The following MAST2 variants were observed in gnomAD, a reference collection of about 807,000 sequenced individuals.
MAST2 encodes the protein microtubule associated serine/threonine kinase 2.
In MAST2, 70 loss-of-function variants were observed where a neutral mutation model predicts 147.4. That is an observed-to-expected ratio of 0.47 (90% confidence interval 0.39 to 0.58). The LOEUF (loss-of-function observed/expected upper bound fraction) is 0.58, where lower values mean the gene tolerates loss of function less well. Among genes scored for constraint, MAST2 ranks in the 20% least tolerant of loss-of-function variants. The pLI is 0.00. For synonymous variants in MAST2, 869 were observed against 896.8 expected (o/e 0.97, Z 0.55); for missense variants, 2,080 against 2,302.3 (o/e 0.90, Z 1.98).
chr1:45,997,935 T>A (rs1408940102), intron 6 of MAST2, 136 bp downstream of exon 6: 3 of 761,258 alleles, frequency 3.9e-6, no homozygotes, highest in Non-Finnish European at 6.7e-6. Context: ...ATCAAAACTC[T>A]GTCTTTGCTT....
intron 15 of MAST2, among the ~76,000 whole-genome samples, chr1:46,024,830 C>G (rs556593312): frequency 3.3e-5 from 5 of 152,338 alleles, no homozygotes; most frequent in South Asian, 4.1e-4. Context: ...TTTCCACCCC[C>G]CTCCATACCC....
rs199941586 is a variant in MAST2, at chr1:45,900,764, C to T, written c.500+18369C>T. ...ACAGGCGTGAGCCACCGCGCCCGGC[C>T]GATGTTGGATATTTTTTTCATGAGT... is the stretch of plus-strand genomic sequence containing the variant. On this transcript the variant is annotated intron_variant, in intron 4 of 28. Transcript: ENST00000361297. 2.8e-4 allele frequency among the ~76,000 whole-genome samples: 2 copies of T among 7,190 alleles called. 1 individual carries two copies. Among genetic ancestry groups the T allele is most frequent in the Non-Finnish European group, 4.3e-4 (2 of 4,636 alleles). 4.7% of individuals were successfully genotyped at this position (7,190 alleles called of 152,430 possible).
intron 4 of MAST2, among the ~76,000 whole-genome samples, chr1:45,939,083 G>A (rs910819260): frequency 4.7e-5 from 7 of 150,452 alleles, no homozygotes; most frequent in Admixed American, 1.3e-4. Flanking sequence ...CATGCTTTTG[G>A]TATCTAAGAA....
intron 4 of MAST2, among the ~76,000 whole-genome samples, chr1:45,934,652 G>T (rs1215664105): frequency 2.6e-5 from 4 of 152,324 alleles, no homozygotes; most frequent in East Asian, 1.9e-4. Flanking sequence ...CTCAAACTCT[G>T]CCTCAAGTGA....
chr1:45,914,112 G>A (rs975380312), intron 4 of MAST2, among the ~76,000 whole-genome samples: 1 of 152,138 alleles, frequency 6.6e-6, no homozygotes, highest in Admixed American at 6.6e-5. Context: ...CTGAATACTT[G>A]GAGAACTGGG....
intron 7 of MAST2, among the ~76,000 whole-genome samples, chr1:46,005,372 A>AAC (rs1202542268): frequency 2.6e-5 from 4 of 152,240 alleles, no homozygotes; most frequent in African/African-American, 9.6e-5. Flanking sequence ...CAAAAAAAAA[A>AAC]AAAAAACCCC....
intron 4 of MAST2, among the ~76,000 whole-genome samples, chr1:45,894,763 A>G (rs1648454693): frequency 6.6e-6 from 1 of 152,154 alleles, no homozygotes; most frequent in South Asian, 2.1e-4. Context: ...CTTATGCTTT[A>G]CTTGAGTACA....
chr1:46,031,378 C>A lies in MAST2; in HGVS notation c.2993-13C>A. ...GCGGCATCGCGGGTCTCACTGCTTA[C>A]TTGGGCCTACAGCTATGGAGACCCG... On this transcript the variant is annotated splice_polypyrimidine_tract_variant and intron_variant, in intron 23 of 28. Coordinates refer to ENST00000361297, the MANE Select transcript of MAST2 (RefSeq NM_015112.3). This position sits in a 1 kb window ranked among gnomAD's most constrained non-coding sequence, Gnocchi z 4.1. 1 of 1,603,066 alleles carries A rather than the reference C, an allele frequency of 6.2e-7. No individual in the cohort carries two copies.
At chr1:45,846,700 C>T (rs147843705) in intron 3 of MAST2, among the ~76,000 whole-genome samples, 1 of 152,070 alleles carries the variant, frequency 6.6e-6, no homozygotes, top group East Asian at 1.9e-4. Context: ...TGGCGGGTAC[C>T]TGTAATCCTA....
At chr1:45,979,429 G>GT (rs10712066) in intron 5 of MAST2, among the ~76,000 whole-genome samples, 17 of 143,168 alleles carry the variant, frequency 1.2e-4, no homozygotes, top group African/African-American at 4.0e-4. Context: ...CAGATTTTTT[G>GT]TTTTTTTTTT....
At chr1:45,988,751 T>C (rs903318737) in intron 5 of MAST2, among the ~76,000 whole-genome samples, 1 of 152,192 alleles carries the variant, frequency 6.6e-6, no homozygotes, top group Non-Finnish European at 1.5e-5. Flanking sequence ...CTTAAGTTGT[T>C]CCGTTTTGGC....
intron 3 of MAST2, among the ~76,000 whole-genome samples, chr1:45,844,680 T>G (rs1557826565): frequency 6.6e-6 from 1 of 152,168 alleles, no homozygotes; most frequent in Non-Finnish European, 1.5e-5. Flanking sequence ...GCCTCAGACT[T>G]CAAACTATCG....
intron 4 of MAST2, among the ~76,000 whole-genome samples, chr1:45,951,481 G>A (rs1296237741): frequency 6.6e-6 from 1 of 152,144 alleles, no homozygotes; most frequent in Non-Finnish European, 1.5e-5. Flanking sequence ...TACCCTGGAG[G>A]CTGAGGTGGG....
intron 8 of MAST2, among the ~76,000 whole-genome samples, chr1:46,007,071 T>C (rs1186923071): frequency 2.6e-5 from 4 of 152,204 alleles, no homozygotes; most frequent in Non-Finnish European, 5.9e-5. Flanking sequence ...TGCTGATTAA[T>C]TTTCGATTCT....
In MAST2 at chr1:46,031,928, C is replaced by T. The variant is rs771041864; in HGVS notation, c.3188-250C>T. ...ATAGAGGCCAGCTGATAGGTTGTGA[C>T]ATTTAAATATATATGACAAGCTTAT... On this transcript the variant is annotated intron_variant, in intron 24 of 28. Transcript: ENST00000361297. The surrounding 1 kb of genome is among the most constrained non-coding windows in gnomAD (Gnocchi z 4.1). Among the ~76,000 whole-genome samples the T allele has an allele frequency of 1.2e-4, 18 of 152,294 alleles. No individual in the cohort carries two copies. In the South Asian group the frequency reaches 1.4e-3, roughly 12 times the overall value.
intron 3 of MAST2, among the ~76,000 whole-genome samples, chr1:45,832,752 T>C (rs980359040): frequency 6.6e-6 from 1 of 151,678 alleles, no homozygotes; most frequent in African/African-American, 2.4e-5. Context: ...GCTAGAATAT[T>C]CCTGAATTAA....
intron 4 of MAST2, among the ~76,000 whole-genome samples, chr1:45,894,060 G>T (rs1226663611): frequency 5.9e-5 from 9 of 151,838 alleles, no homozygotes; most frequent in Admixed American, 5.9e-4. Flanking sequence ...ACAAAAATAT[G>T]TAAAAGTTAG....
chr1:45,987,781 T>G (rs1644702540), intron 5 of MAST2, among the ~76,000 whole-genome samples: 1 of 138,544 alleles, frequency 7.2e-6, no homozygotes, highest in African/African-American at 2.7e-5. Flanking sequence ...TTTTTGATTT[T>G]TTTTTTTTTT....
chr1:45,916,552 C>T (rs1163474686), intron 4 of MAST2, among the ~76,000 whole-genome samples: 1 of 151,898 alleles, frequency 6.6e-6, no homozygotes, highest in Non-Finnish European at 1.5e-5. Context: ...TAAGTAGAAG[C>T]AAAATACATA....
Sources: gnomAD v4.1 joint callset for allele counts (sites outside exome capture counted in the v4.1 genomes callset) on GRCh38, gnomAD v4.1.1 for gene constraint, Gnocchi (gnomAD v3.1) non-coding constraint, MANE v1.5 for transcripts, NCBI Gene and HGNC (gene_info 2026-07-23, HGNC 2026-07-21) for gene names.